Variants in GABRG3 observed in about 807,000 individuals in gnomAD.
GABRG3 encodes gamma-aminobutyric acid receptor subunit gamma-3.
Under a neutral mutation model 48.8 loss-of-function variants are expected in GABRG3, and 25 were observed. The ratio of observed to expected loss-of-function variants is 0.51; its 90% CI spans 0.37 to 0.72. GABRG3 has a LOEUF of 0.72. Among genes scored for constraint, GABRG3 ranks in the 30% least tolerant of loss-of-function variants. The pLI, the probability that GABRG3 is intolerant of heterozygous loss-of-function variation, is 0.00. For missense variants in GABRG3, 394 were observed against 577.9 expected (o/e 0.68, Z 3.26); for synonymous variants, 227 against 217.6 (o/e 1.04, Z -0.38).
intron 5 of GABRG3, among the ~76,000 whole-genome samples, chr15:27,434,182 C>T (rs1301226645): frequency 6.6e-6 from 1 of 151,712 alleles, no homozygotes; most frequent in East Asian, 1.9e-4. Flanking sequence ...TATAAGTGGC[C>T]CAGAATAATG....
intron 2 of GABRG3, among the ~76,000 whole-genome samples, chr15:27,009,907 CCTTCTG>C (rs1331378365): frequency 6.6e-6 from 1 of 152,082 alleles, no homozygotes; most frequent in Non-Finnish European, 1.5e-5. Flanking sequence ...ACCTCTTCCT[CCTTCTG>C]CTTCTGCTGC....
At chr15:27,456,504 G>C (rs1889283436) in intron 5 of GABRG3, among the ~76,000 whole-genome samples, 1 of 152,214 alleles carries the variant, frequency 6.6e-6, no homozygotes, top group Non-Finnish European at 1.5e-5. Context: ...GAGGGACTGT[G>C]ATGCATTCAG....
At chr15:27,049,535 C>T (rs537158179) in intron 3 of GABRG3, among the ~76,000 whole-genome samples, 1 of 152,316 alleles carries the variant, frequency 6.6e-6, no homozygotes, top group Admixed American at 6.5e-5. Context: ...AAGCCACACA[C>T]CCAGCAGGGA....
At chr15:27,308,397 AATATAAACAT>A (rs1206833326) in intron 3 of GABRG3, among the ~76,000 whole-genome samples, 2 of 145,318 alleles carry the variant, frequency 1.4e-5, no homozygotes, top group Non-Finnish European at 3.0e-5. Context: ...ATAAACATAT[AATATAAACAT>A]ATATAAACAT....
chr15:27,377,035 G>T (rs1355566872), intron 5 of GABRG3, among the ~76,000 whole-genome samples: 1 of 152,092 alleles, frequency 6.6e-6, no homozygotes, highest in Non-Finnish European at 1.5e-5. Context: ...TTCTCCACCA[G>T]ATACCCTAAA....
chr15:27,282,911 G>A (rs1015337553), intron 3 of GABRG3, among the ~76,000 whole-genome samples: 2 of 152,148 alleles, frequency 1.3e-5, no homozygotes, highest in Non-Finnish European at 2.9e-5. Flanking sequence ...GCCCCAGGTA[G>A]GGAGGGGCAT....
intron 3 of GABRG3, among the ~76,000 whole-genome samples, chr15:27,070,635 G>C (rs1439702507): frequency 6.6e-6 from 1 of 152,106 alleles, no homozygotes; most frequent in East Asian, 1.9e-4. Flanking sequence ...GAAATGTTAA[G>C]GTTTATGACA....
At chr15:27,335,988 G>A (rs1281025733) in intron 5 of GABRG3, among the ~76,000 whole-genome samples, 1 of 152,068 alleles carries the variant, frequency 6.6e-6, no homozygotes, top group South Asian at 2.1e-4. Flanking sequence ...AGGAGTTTGA[G>A]ACCAGCGTGA....
chr15:27,462,179 C>T (rs998538131), intron 5 of GABRG3, among the ~76,000 whole-genome samples: 3 of 152,124 alleles, frequency 2.0e-5, no homozygotes, highest in Non-Finnish European at 4.4e-5. Flanking sequence ...GATCACCTCC[C>T]CTCTGAGCCG....
intron 3 of GABRG3, among the ~76,000 whole-genome samples, chr15:27,042,521 C>T (rs998131088): frequency 6.6e-6 from 1 of 152,194 alleles, no homozygotes; most frequent in African/African-American, 2.4e-5. Flanking sequence ...TGTTGCAGTG[C>T]GGTGGTTGCA....
At chr15:27,118,382 C>T (rs896098846) in intron 3 of GABRG3, among the ~76,000 whole-genome samples, 1 of 152,190 alleles carries the variant, frequency 6.6e-6, no homozygotes, top group Non-Finnish European at 1.5e-5. Flanking sequence ...CAACATGTCA[C>T]TCATGAATTT....
At chr15:27,092,466 A>G (rs1296938157) in intron 3 of GABRG3, among the ~76,000 whole-genome samples, 1 of 152,168 alleles carries the variant, frequency 6.6e-6, no homozygotes. Context: ...CCTGCCTTGG[A>G]CAGCTGTTTG....
intron 3 of GABRG3, chr15:27,271,689 G>A (rs1891096038): frequency 2.2e-6 from 1 of 451,300 alleles, no homozygotes; most frequent in African/African-American, 2.0e-5. Context: ...GAGCAGGTGT[G>A]TGGTGGCTGG....
intron 3 of GABRG3, among the ~76,000 whole-genome samples, chr15:27,088,645 G>A (rs577319243): frequency 2.0e-5 from 3 of 152,216 alleles, no homozygotes; most frequent in Admixed American, 2.0e-4. Context: ...GGGGGAAGCG[G>A]GCTTCTTCGT....
chr15:27,327,720 A>C (rs567307510), intron 4 of GABRG3, among the ~76,000 whole-genome samples: 39 of 151,964 alleles, frequency 2.6e-4, no homozygotes, highest in Admixed American at 2.2e-3. Flanking sequence ...AGGACACTGC[A>C]CTCCCTTCTT....
intron 3 of GABRG3, among the ~76,000 whole-genome samples, chr15:27,190,513 TA>T (rs1374270934): frequency 1.3e-5 from 2 of 152,208 alleles, no homozygotes; most frequent in East Asian, 3.8e-4. Context: ...TTTATTTGCG[TA>T]GAGGTGTTTG....
At chr15:27,387,240 TG>T (rs1377110315) in intron 5 of GABRG3, among the ~76,000 whole-genome samples, 1 of 140,550 alleles carries the variant, frequency 7.1e-6, no homozygotes, top group Non-Finnish European at 1.5e-5. Context: ...TTCTAATTCC[TG>T]TTGTAATTCA....
chr15:27,445,252 G>C lies in GABRG3; in HGVS notation c.575-35398G>C, dbSNP rs1888909945. ...CTGCTGGGTCATACAGTATCTCCTT[G>C]CTTAATCTCTTGAGGAACTGCCAGA... On this transcript the variant is annotated intron_variant, in intron 5 of 9. Coordinates refer to ENST00000615808, the MANE Select transcript of GABRG3 (RefSeq NM_033223.5). Among the ~76,000 whole-genome samples, 3 of 152,296 alleles carry C rather than the reference G, an allele frequency of 2.0e-5. No homozygotes were observed. In the South Asian group the frequency reaches 6.2e-4, roughly 32 times the overall value.
chr15:27,029,779 G>A (rs1415918589), intron 3 of GABRG3, among the ~76,000 whole-genome samples: 1 of 152,144 alleles, frequency 6.6e-6, no homozygotes, highest in Non-Finnish European at 1.5e-5. Flanking sequence ...GAGCTGGCAG[G>A]CTCTGGCTGG....
Sources: allele counts gnomAD v4.1 joint callset (sites outside exome capture counted in the v4.1 genomes callset), GRCh38; gene constraint gnomAD v4.1.1; transcripts MANE v1.5; gene names NCBI Gene and HGNC (gene_info 2026-07-23, HGNC 2026-07-21).